The following KIZ variants were observed in gnomAD, a reference collection of about 807,000 sequenced individuals.
KIZ encodes kizuna centrosomal protein, also known as centrosomal protein kizuna.
A neutral mutation model predicts 79.6 loss-of-function variants in KIZ; 68 were observed. That is an observed-to-expected ratio of 0.85 (90% CI 0.70 to 1.05). The LOEUF (loss-of-function observed/expected upper bound fraction) is 1.05, where lower values mean the gene tolerates loss of function less well. Among genes scored for constraint, KIZ ranks in the 50% least tolerant of loss-of-function variants. The probability of loss-of-function intolerance (pLI) is 0.00; values close to 1 mark genes in which losing one functional copy is unlikely to be tolerated. For missense variants in KIZ, 797 were observed against 800.4 expected, an observed-to-expected ratio of 1.00 and a Z score of 0.05; for synonymous variants, 280 against 281.8, an observed-to-expected ratio of 0.99 and a Z score of 0.06.
intron 11 of KIZ, among the ~76,000 whole-genome samples, chr20:21,243,237 C>A (rs768646087): frequency 2.0e-5 from 3 of 151,366 alleles, no homozygotes; most frequent in Non-Finnish European, 2.9e-5. Context: ...ATTAAAGAAA[C>A]AGGCACTAAA....
intron 6 of KIZ, among the ~76,000 whole-genome samples, chr20:21,203,170 G>T (rs978881000): frequency 6.6e-6 from 1 of 152,072 alleles, no homozygotes; most frequent in Non-Finnish European, 1.5e-5. Context: ...ATTACAATTG[G>T]CTATGTCTCT....
At chr20:21,157,561 A>G (rs997528680) in intron 4 of KIZ, among the ~76,000 whole-genome samples, 1 of 152,208 alleles carries the variant, frequency 6.6e-6, no homozygotes, top group Non-Finnish European at 1.5e-5. Flanking sequence ...AGCATTTACT[A>G]TAAGTACATC....
chr20:21,207,238 G>A (rs184021772), intron 7 of KIZ, among the ~76,000 whole-genome samples: 2 of 152,232 alleles, frequency 1.3e-5, no homozygotes, highest in African/African-American at 2.4e-5. Context: ...TGCCCCTCCA[G>A]CCTTCCAGAG....
chr20:21,169,438 G>C (rs1421040444), intron 6 of KIZ, among the ~76,000 whole-genome samples: 1 of 152,172 alleles, frequency 6.6e-6, no homozygotes, highest in Non-Finnish European at 1.5e-5. Flanking sequence ...AACAGGTGCT[G>C]GAGAGGATGT....
chr20:21,181,360 A>G (rs1217532842), intron 6 of KIZ, among the ~76,000 whole-genome samples: 1 of 152,222 alleles, frequency 6.6e-6, no homozygotes, highest in Non-Finnish European at 1.5e-5. Context: ...GACAAAGAGG[A>G]GACATGTTAG....
intron 7 of KIZ, among the ~76,000 whole-genome samples, chr20:21,207,561 T>G (rs1035111016): frequency 4.0e-5 from 6 of 148,236 alleles, no homozygotes; most frequent in African/African-American, 1.5e-4. Context: ...TCCTCAAACT[T>G]CCTTCCCTCC....
chr20:21,135,953 T>A (rs1311318198), intron 2 of KIZ, among the ~76,000 whole-genome samples: 1 of 152,252 alleles, frequency 6.6e-6, no homozygotes, highest in Non-Finnish European at 1.5e-5. Flanking sequence ...AATTTCTTTT[T>A]AATTTCTTAA....
chr20:21,223,957 C>T (rs755010027), intron 9 of KIZ, among the ~76,000 whole-genome samples: 1 of 151,984 alleles, frequency 6.6e-6, no homozygotes, highest in Non-Finnish European at 1.5e-5. Flanking sequence ...GGATTACAGG[C>T]GTGAGCCACT....
intron 3 of KIZ, among the ~76,000 whole-genome samples, chr20:21,141,229 G>A (rs999374347): frequency 1.3e-5 from 2 of 152,018 alleles, no homozygotes; most frequent in Non-Finnish European, 2.9e-5. Context: ...AAGCAGACCT[G>A]GAGAACAGGG....
intron 11 of KIZ, among the ~76,000 whole-genome samples, chr20:21,241,003 A>G (rs1440544874): frequency 6.6e-6 from 1 of 152,248 alleles, no homozygotes; most frequent in African/African-American, 2.4e-5. Flanking sequence ...AGATGGAAAC[A>G]TTACTTCTAC....
At chr20:21,129,485 G>T (rs1027259414) in intron 1 of KIZ, among the ~76,000 whole-genome samples, 2 of 152,008 alleles carry the variant, frequency 1.3e-5, no homozygotes, top group Non-Finnish European at 2.9e-5. Context: ...CTATAATCCC[G>T]GCACTTTGAG....
intron 6 of KIZ, among the ~76,000 whole-genome samples, chr20:21,183,426 A>G (rs1425421919): frequency 6.6e-6 from 1 of 152,194 alleles, no homozygotes. Flanking sequence ...GAATCTCTTG[A>G]ATTCCAAAGC....
chr20:21,191,417 G>A (rs1440245753), intron 6 of KIZ, among the ~76,000 whole-genome samples: 2 of 152,226 alleles, frequency 1.3e-5, no homozygotes, highest in African/African-American at 4.8e-5. Flanking sequence ...TGAATGCACT[G>A]GGTGGAAGGG....
At chr20:21,229,999 C>T (rs1356971713) in intron 10 of KIZ, among the ~76,000 whole-genome samples, 2 of 151,862 alleles carry the variant, frequency 1.3e-5, no homozygotes, top group Non-Finnish European at 2.9e-5. Context: ...TTCATTACAC[C>T]AGTTTTTAGA....
chr20:21,231,029 A>G (rs1056855908), intron 10 of KIZ, among the ~76,000 whole-genome samples: 2 of 152,190 alleles, frequency 1.3e-5, no homozygotes, highest in African/African-American at 4.8e-5. Flanking sequence ...TAATTGGACA[A>G]ATGCAAAAGA....
At chr20:21,126,341 A>G (rs996439698) in intron 1 of KIZ, 137 bp downstream of exon 1, 19 of 543,648 alleles carry the variant, frequency 3.5e-5, no homozygotes, top group Non-Finnish European at 5.2e-5. Flanking sequence ...CCAGGCTCCC[A>G]GTGGGGCCTG....
Position 21,214,571 on chromosome 20 carries a change from T to C in KIZ, c.1483T>C (p.Cys495Arg), listed in dbSNP as rs879081967. The C allele has an allele frequency of 2.5e-6, 4 of 1,613,426 alleles. No individual in the cohort carries two copies. In the South Asian group the frequency reaches 3.3e-5, roughly 13 times the overall value. The part of the protein sequence containing the change: ...ALLRKALTEE[C>R]GRRSAIHSSE... ...ATTGAGAAAAGCCCTTACAGAAGAG[T>C]GTGGCCGTAGGTCAGCTATTCACAG... The change falls in exon 8 of 13, where the codon TGT (cysteine) becomes CGT (arginine). Residue 495 changes from cysteine to arginine, a missense_variant. Transcript: ENST00000619189.
At chr20:21,175,207 C>G (rs1410166123) in intron 6 of KIZ, among the ~76,000 whole-genome samples, 1 of 152,202 alleles carries the variant, frequency 6.6e-6, no homozygotes. Flanking sequence ...TTCTACCTGT[C>G]ACTTCATTCT....
intron 11 of KIZ, among the ~76,000 whole-genome samples, chr20:21,241,869 G>A (rs894214747): frequency 4.6e-5 from 7 of 151,586 alleles, no homozygotes; most frequent in Non-Finnish European, 8.8e-5. Flanking sequence ...TTTTTTTTCT[G>A]CTTCAGCTTT....
Sources: allele counts gnomAD v4.1 joint callset (sites outside exome capture counted in the v4.1 genomes callset), GRCh38; gene constraint gnomAD v4.1.1; transcripts MANE v1.5; gene names NCBI Gene and HGNC (gene_info 2026-07-23, HGNC 2026-07-21).